The following HS3ST5 variants were observed in gnomAD, a reference collection of about 807,000 sequenced individuals.
The protein encoded by HS3ST5 is heparan sulfate glucosamine 3-O-sulfotransferase 5.
HS3ST5 carries 10 observed loss-of-function variants against 25.4 expected under a neutral mutation model. The observed-to-expected ratio is 0.39, with a 90% CI of 0.24 to 0.67. HS3ST5 has a LOEUF of 0.67. Ranked by LOEUF, HS3ST5 falls within the 30% of genes least tolerant of loss-of-function variation. HS3ST5 has a pLI of 0.44. For missense variants in HS3ST5, 324 were observed against 420.7 expected, an observed-to-expected ratio of 0.77 and a Z score of 2.01; for synonymous variants, 170 against 162.4, an observed-to-expected ratio of 1.05 and a Z score of -0.36.
intron 2 of HS3ST5, among the ~76,000 whole-genome samples, chr6:114,189,486 T>A (rs1780391888): frequency 6.6e-6 from 1 of 152,168 alleles, no homozygotes; most frequent in Non-Finnish European, 1.5e-5. Flanking sequence ...GGAGAATTCT[T>A]ATTATTCAGA....
chr6:114,057,761 C>T lies in HS3ST5; in HGVS notation c.537G>A (p.Leu179=). 6.2e-7 allele frequency: 1 copy of T among 1,614,150 alleles called. No individual in the cohort carries two copies. ...TTGTGGTTGGCTCCCTGACAATGAT[C>T]AACAACTTGATGGATGAGTTCATTT... The part of the protein sequence containing the change: ...IYKMNSSIKL[L]IIVREPTTRA... Residue 179 remains leucine, a synonymous_variant, in exon 5 of 5, where the codon TTG becomes TTA. Transcript: ENST00000312719.
At chr6:114,189,141 TG>T (rs904174912) in intron 2 of HS3ST5, among the ~76,000 whole-genome samples, 3 of 152,126 alleles carry the variant, frequency 2.0e-5, no homozygotes, top group African/African-American at 7.2e-5. Context: ...AACATGATAT[TG>T]TGAGATATGT....
intron 2 of HS3ST5, among the ~76,000 whole-genome samples, chr6:114,184,936 T>G (rs1379638917): frequency 2.0e-5 from 3 of 152,256 alleles, no homozygotes; most frequent in African/African-American, 7.2e-5. Flanking sequence ...ATCCTGTGCC[T>G]GTCCCATTAT....
intron 1 of HS3ST5, among the ~76,000 whole-genome samples, chr6:114,253,433 G>A (rs1347982834): frequency 6.6e-6 from 1 of 152,160 alleles, no homozygotes; most frequent in Admixed American, 6.5e-5. Flanking sequence ...GTTTTGTTTT[G>A]TTTGGAGTGG....
At chr6:114,232,911 C>T (rs561005520) in intron 1 of HS3ST5, among the ~76,000 whole-genome samples, 1 of 152,216 alleles carries the variant, frequency 6.6e-6, no homozygotes, top group East Asian at 1.9e-4. Context: ...TTTAAAAAAA[C>T]ACAATTAATT....
intron 3 of HS3ST5, among the ~76,000 whole-genome samples, chr6:114,097,863 C>G (rs1775522449): frequency 6.6e-6 from 1 of 151,918 alleles, no homozygotes; most frequent in Non-Finnish European, 1.5e-5. Context: ...AACTCTACCC[C>G]TAAAGGACAA....
intron 1 of HS3ST5, among the ~76,000 whole-genome samples, chr6:114,243,381 C>A (rs906799902): frequency 5.3e-5 from 8 of 152,164 alleles, no homozygotes; most frequent in Non-Finnish European, 1.2e-4. Context: ...CTTTCTCTGA[C>A]TTCTTAAATA....
intron 1 of HS3ST5, among the ~76,000 whole-genome samples, chr6:114,274,789 C>A (rs56411043): frequency 0.077 from 11,684 of 152,070 alleles, 552 homozygotes; most frequent in African/African-American, 0.14. Flanking sequence ...AAATATTTAT[C>A]TGGGTATGTT....
intron 2 of HS3ST5, among the ~76,000 whole-genome samples, chr6:114,183,306 C>A (rs1780054099): frequency 6.6e-6 from 1 of 152,090 alleles, no homozygotes. Context: ...CTCATGAGAT[C>A]TAATAGTTGT....
intron 3 of HS3ST5, among the ~76,000 whole-genome samples, chr6:114,139,684 T>C (rs1562212449): frequency 1.3e-5 from 2 of 152,180 alleles, no homozygotes; most frequent in East Asian, 1.9e-4. Flanking sequence ...GGACCTGTCA[T>C]AGAATCTGCA....
At chr6:114,299,383 T>G (rs1774973843) in intron 1 of HS3ST5, among the ~76,000 whole-genome samples, 1 of 152,224 alleles carries the variant, frequency 6.6e-6, no homozygotes, top group South Asian at 2.1e-4. Flanking sequence ...CCTGGTCCTG[T>G]GATCTCGCAC....
At chr6:114,341,713 T>C (rs1207942863) in intron 1 of HS3ST5, among the ~76,000 whole-genome samples, 1 of 152,010 alleles carries the variant, frequency 6.6e-6, no homozygotes, top group Non-Finnish European at 1.5e-5. Flanking sequence ...CTTTGCCTGT[T>C]CTTTGCCTGC....
At chr6:114,098,612 G>T (rs1301376769) in intron 3 of HS3ST5, among the ~76,000 whole-genome samples, 1 of 150,530 alleles carries the variant, frequency 6.6e-6, no homozygotes, top group Non-Finnish European at 1.5e-5. Flanking sequence ...ATATGCTTGA[G>T]CGTGAAAGAC....
intron 3 of HS3ST5, among the ~76,000 whole-genome samples, chr6:114,113,108 A>G (rs1776346069): frequency 6.6e-6 from 1 of 152,078 alleles, no homozygotes; most frequent in African/African-American, 2.4e-5. Context: ...TGTTGTCTCT[A>G]CACCATAGAT....
intron 2 of HS3ST5, among the ~76,000 whole-genome samples, chr6:114,197,332 C>A (rs1780811102): frequency 6.6e-6 from 1 of 152,010 alleles, no homozygotes; most frequent in Non-Finnish European, 1.5e-5. Flanking sequence ...ATTTTAATAT[C>A]TCTTAGGTTT....
intron 3 of HS3ST5, among the ~76,000 whole-genome samples, chr6:114,144,836 G>A (rs967170747): frequency 2.6e-5 from 4 of 152,130 alleles, no homozygotes; most frequent in African/African-American, 4.8e-5. Context: ...AATGAGTAAC[G>A]TTTGTATAGC....
At chr6:114,116,303 A>G (rs1776526110) in intron 3 of HS3ST5, 1 of 152,164 alleles carries the variant, frequency 6.6e-6, no homozygotes, top group South Asian at 2.1e-4. Context: ...AATTCTCTAA[A>G]GGAAAAAAAT....
intron 4 of HS3ST5, among the ~76,000 whole-genome samples, chr6:114,060,318 G>A (rs747703655): frequency 3.9e-5 from 6 of 152,108 alleles, no homozygotes; most frequent in Admixed American, 2.0e-4. Context: ...GGCCTAGACA[G>A]CTTTTAAAAA....
At chr6:114,268,271 G>T (rs1049910006) in intron 1 of HS3ST5, among the ~76,000 whole-genome samples, 6 of 152,136 alleles carry the variant, frequency 3.9e-5, no homozygotes, top group African/African-American at 1.4e-4. Context: ...TAGAGATTTG[G>T]TATAGAAGGT....
Sources: gnomAD v4.1 joint callset for allele counts (sites outside exome capture counted in the v4.1 genomes callset) on GRCh38, gnomAD v4.1.1 for gene constraint, MANE v1.5 for transcripts, NCBI Gene and HGNC (gene_info 2026-07-23, HGNC 2026-07-21) for gene names.